PALM2AKAP2: variants seen among roughly 807,000 people sequenced by gnomAD.
PALM2AKAP2 encodes PALM2-AKAP2 fusion protein.
Under a neutral mutation model 71.5 loss-of-function variants are expected in PALM2AKAP2, and 37 were observed. The observed-to-expected ratio is 0.52, with a 90% CI of 0.40 to 0.68. The LOEUF is 0.68. PALM2AKAP2 is among the 30% of genes least tolerant of loss of function. PALM2AKAP2 has a pLI of 0.00. For missense variants in PALM2AKAP2, 1,224 were observed against 1,191.8 expected (o/e 1.03, Z -0.40); for synonymous variants, 468 against 478.8 (o/e 0.98, Z 0.29).
rs1834950021 is a variant in PALM2AKAP2 at position 110,099,903 on chromosome 9, G to A, written c.157-36224G>A. 2.0e-5 allele frequency among the ~76,000 whole-genome samples: 3 copies of A among 151,480 alleles called. No homozygotes were observed. The South Asian group carries it at 6.3e-4, about 32-fold the overall frequency. On this transcript the variant is annotated intron_variant, in intron 1 of 3. Transcript: ENST00000374525. ...CCCTCCTTTCTCATTTTCTAGGACT[G>A]TAGCATCTGGGGCATATAATTGAGC...
chr9:109,679,749 C>A (rs1309622327), intron 1 of PALM2AKAP2, among the ~76,000 whole-genome samples: 3 of 152,072 alleles, frequency 2.0e-5, no homozygotes, highest in Non-Finnish European at 2.9e-5. Context: ...AACAAAAAAA[C>A]CAAAACTCTC....
intron 1 of PALM2AKAP2, among the ~76,000 whole-genome samples, chr9:109,750,236 C>T (rs1828865102): frequency 6.6e-6 from 1 of 152,154 alleles, no homozygotes; most frequent in Non-Finnish European, 1.5e-5. Flanking sequence ...TATTTTCTAG[C>T]AATAGGGACT....
At chr9:109,932,441 A>G (rs147849061) in intron 6 of PALM2AKAP2, among the ~76,000 whole-genome samples, 19 of 152,330 alleles carry the variant, frequency 1.2e-4, no homozygotes, top group African/African-American at 4.6e-4. Flanking sequence ...TCTTTACAGA[A>G]TCCTTTGGGA....
At chr9:110,082,783 G>C (rs181882943) in intron 1 of PALM2AKAP2, among the ~76,000 whole-genome samples, 4 of 152,326 alleles carry the variant, frequency 2.6e-5, no homozygotes, top group Non-Finnish European at 1.5e-5. Context: ...TTGTGCAACT[G>C]TTGCCAACAT....
intron 6 of PALM2AKAP2, among the ~76,000 whole-genome samples, chr9:110,012,512 G>A (rs1832902707): frequency 6.6e-6 from 1 of 152,020 alleles, no homozygotes; most frequent in Non-Finnish European, 1.5e-5. Context: ...CTCCTTGGAA[G>A]GAATTTTACC....
intron 1 of PALM2AKAP2, among the ~76,000 whole-genome samples, chr9:110,106,551 TATG>T (rs1465245210): frequency 6.6e-6 from 1 of 151,350 alleles, no homozygotes; most frequent in Non-Finnish European, 1.5e-5. Flanking sequence ...CACAAAGGAG[TATG>T]ATGAGAAGAG....
intron 1 of PALM2AKAP2, among the ~76,000 whole-genome samples, chr9:110,095,171 G>A (rs1834807189): frequency 1.3e-5 from 2 of 152,186 alleles, no homozygotes; most frequent in Admixed American, 6.5e-5. Context: ...CCAAGTTTAA[G>A]TGCAAAGCAG....
rs191636632 is a variant in PALM2AKAP2, at chr9:109,650,812, A to G, written c.5+9946A>G. Among the ~76,000 whole-genome samples the G allele has an allele frequency of 5.4e-4, 82 of 152,296 alleles. 1 individual carries two copies. The highest frequency in any genetic ancestry group is 5.3e-3 in the Admixed American group (81 of 15,298). ...AGGGAAGCACAGAGAAGACTTTACC[A>G]TATCTTTGAGTTAATGAATCAATGA... On this transcript the variant is annotated intron_variant, in intron 1 of 6. Transcript: ENST00000374531.
intron 6 of PALM2AKAP2, among the ~76,000 whole-genome samples, chr9:110,010,480 T>G (rs1272858663): frequency 6.8e-6 from 1 of 148,124 alleles, no homozygotes; most frequent in Admixed American, 6.8e-5. Context: ...ATACATACTA[T>G]ATATGTATAG....
At chr9:110,065,154 T>C (rs950920046) in intron 1 of PALM2AKAP2, among the ~76,000 whole-genome samples, 6 of 152,258 alleles carry the variant, frequency 3.9e-5, no homozygotes, top group Admixed American at 1.3e-4. Flanking sequence ...GAGGCATGGC[T>C]GTAGACATTA....
At chr9:109,951,250 G>C (rs1831634119) in intron 6 of PALM2AKAP2, among the ~76,000 whole-genome samples, 1 of 151,798 alleles carries the variant, frequency 6.6e-6, no homozygotes, top group Admixed American at 6.6e-5. Flanking sequence ...TGGTGGGGGT[G>C]GGGGTGGGAG....
chr9:109,882,419 T>C (rs1370335124), intron 3 of PALM2AKAP2, among the ~76,000 whole-genome samples: 1 of 152,170 alleles, frequency 6.6e-6, no homozygotes, highest in Non-Finnish European at 1.5e-5. Context: ...AAGAAAAAGT[T>C]TGGAGGGTTT....
At chr9:109,945,442 A>T (rs1831481649) in intron 6 of PALM2AKAP2, 1 of 152,204 alleles carries the variant, frequency 6.6e-6, no homozygotes, top group Non-Finnish European at 1.5e-5. Flanking sequence ...CCTGGTTTGG[A>T]TGCTTATAAA....
chr9:109,640,875 C>A, intron 1 of PALM2AKAP2: 1 of 1,517,120 alleles, frequency 6.6e-7, no homozygotes, highest in Non-Finnish European at 8.8e-7. Flanking sequence ...GAGTGAGTAT[C>A]CCCGAGCCGC....
At chr9:110,145,309 C>T (rs529834265) in intron 2 of PALM2AKAP2, among the ~76,000 whole-genome samples, 12 of 152,280 alleles carry the variant, frequency 7.9e-5, no homozygotes, top group South Asian at 2.1e-4. Flanking sequence ...AAGATCTGAG[C>T]GGATAGCCAA....
At chr9:109,710,238 T>C (rs760309830) in intron 1 of PALM2AKAP2, among the ~76,000 whole-genome samples, 12 of 152,212 alleles carry the variant, frequency 7.9e-5, no homozygotes, top group Non-Finnish European at 1.5e-4. Flanking sequence ...TTTGGTCAGT[T>C]TGTGGTAATT....
chr9:109,887,612 A>G (rs970921231), intron 3 of PALM2AKAP2, among the ~76,000 whole-genome samples: 2 of 151,978 alleles, frequency 1.3e-5, no homozygotes, highest in Non-Finnish European at 2.9e-5. Flanking sequence ...GCCTTGTAAT[A>G]CTCCCATGAG....
At chr9:109,685,660 C>G (rs563383186) in intron 1 of PALM2AKAP2, among the ~76,000 whole-genome samples, 164 of 151,932 alleles carry the variant, frequency 1.1e-3, no homozygotes, top group Non-Finnish European at 2.1e-3. Flanking sequence ...TTACTTGAAC[C>G]CTCAGTGAAT....
At chr9:110,062,751 A>T (rs981230653) in intron 1 of PALM2AKAP2, among the ~76,000 whole-genome samples, 1 of 152,176 alleles carries the variant, frequency 6.6e-6, no homozygotes, top group African/African-American at 2.4e-5. Context: ...ACAGAAATCT[A>T]TTTTCTCATA....
Sources: gnomAD v4.1 joint callset for allele counts (sites outside exome capture counted in the v4.1 genomes callset) on GRCh38, gnomAD v4.1.1 for gene constraint, MANE v1.5 for transcripts, NCBI Gene and HGNC (gene_info 2026-07-23, HGNC 2026-07-21) for gene names.